The following PCDH15 variants were observed in gnomAD, a reference collection of about 807,000 sequenced individuals.
The protein encoded by PCDH15 is protocadherin-15.
Under a neutral mutation model 178.5 loss-of-function variants are expected in PCDH15, and 129 were observed. The ratio of observed to expected loss-of-function variants is 0.72; its 90% CI spans 0.63 to 0.84. The LOEUF (loss-of-function observed/expected upper bound fraction) is 0.84, where lower values mean the gene tolerates loss of function less well. PCDH15 is among the 40% of genes least tolerant of loss of function. The pLI is 0.00. For synonymous variants in PCDH15, 800 were observed against 732.0 expected (o/e 1.09, Z -1.50); for missense variants, 2,230 against 2,099.9 (o/e 1.06, Z -1.21).
At chr10:54,920,198 C>A (rs539990872) in intron 2 of PCDH15, among the ~76,000 whole-genome samples, 9 of 152,168 alleles carry the variant, frequency 5.9e-5, no homozygotes, top group African/African-American at 2.2e-4. Context: ...CGGCCGGGAG[C>A]GGTGGCTCAC....
chr10:54,787,155 A>G (rs1950954591), intron 1 of PCDH15, among the ~76,000 whole-genome samples: 1 of 151,864 alleles, frequency 6.6e-6, no homozygotes, highest in South Asian at 2.1e-4. Context: ...TTCATTAATT[A>G]TCTATAAAAA....
intron 25 of PCDH15, among the ~76,000 whole-genome samples, chr10:53,918,718 AC>A (rs2083742049): frequency 0.042 from 54 of 1,278 alleles, no homozygotes; most frequent in African/African-American, 0.088. Flanking sequence ...ACACAAACAC[AC>A]ACACACACAC....
chr10:55,350,865 G>T (rs1844909953), intron 2 of PCDH15, among the ~76,000 whole-genome samples: 1 of 151,856 alleles, frequency 6.6e-6, no homozygotes, highest in Admixed American at 6.6e-5. Context: ...TCTACCAATT[G>T]GCTCTTCTCA....
chr10:55,513,598 G>A (rs1482463957), intron 2 of PCDH15, among the ~76,000 whole-genome samples: 1 of 152,014 alleles, frequency 6.6e-6, no homozygotes, highest in Non-Finnish European at 1.5e-5. Context: ...TTTATATGTT[G>A]TGAAATTTAA....
At chr10:54,091,192 G>A (rs1442686468) in intron 15 of PCDH15, among the ~76,000 whole-genome samples, 3 of 152,148 alleles carry the variant, frequency 2.0e-5, no homozygotes, top group African/African-American at 7.2e-5. Flanking sequence ...AAGAAATTTG[G>A]ATGCTATCAG....
intron 2 of PCDH15, among the ~76,000 whole-genome samples, chr10:55,027,688 T>C (rs918535598): frequency 6.6e-6 from 1 of 151,880 alleles, no homozygotes; most frequent in Non-Finnish European, 1.5e-5. Context: ...AATATAGCGA[T>C]AGGACTCTAA....
chr10:53,938,813 A>T lies in PCDH15; in HGVS notation c.3373+2T>A. On this transcript the variant is annotated splice_donor_variant, in intron 25 of 37. Coordinates refer to ENST00000644397, the MANE Select transcript of PCDH15 (RefSeq NM_001384140.1). LOFTEE classifies it high-confidence loss of function. ...GTAAAAGCTTTAAGTAGTATAACTT[A>T]CTTTTTGAAGGAACTCGGAGATTGG... is the stretch of plus-strand genomic sequence containing the variant. 6.2e-7 allele frequency: 1 copy of T among 1,612,736 alleles called. No homozygotes were observed. The highest frequency in any genetic ancestry group is 8.5e-7 in the Non-Finnish European group (1 of 1,179,498).
At chr10:55,223,829 C>T (rs1439637969) in intron 1 of PCDH15, among the ~76,000 whole-genome samples, 2 of 152,156 alleles carry the variant, frequency 1.3e-5, no homozygotes, top group Non-Finnish European at 2.9e-5. Context: ...TGATTTCTAA[C>T]AATTGTAAAT....
intron 3 of PCDH15, among the ~76,000 whole-genome samples, chr10:54,460,917 A>G (rs1271529079): frequency 6.6e-6 from 1 of 152,172 alleles, no homozygotes; most frequent in Non-Finnish European, 1.5e-5. Flanking sequence ...AGAAATCATG[A>G]CATTAAAACT....
intron 14 of PCDH15, among the ~76,000 whole-genome samples, chr10:54,145,104 C>G (rs898358509): frequency 2.6e-5 from 4 of 151,892 alleles, no homozygotes; most frequent in African/African-American, 9.7e-5. Context: ...ATCTATAACA[C>G]TTATTGTAAG....
intron 3 of PCDH15, among the ~76,000 whole-genome samples, chr10:54,387,483 C>A (rs1565149026): frequency 1.3e-5 from 2 of 152,156 alleles, no homozygotes; most frequent in Non-Finnish European, 2.9e-5. Flanking sequence ...CATGAAAAAA[C>A]AAATATGGCA....
chr10:55,070,245 G>C (rs1030145636), intron 2 of PCDH15, among the ~76,000 whole-genome samples: 4 of 152,106 alleles, frequency 2.6e-5, no homozygotes, highest in Non-Finnish European at 5.9e-5. Context: ...TCACTCTGAT[G>C]GTAGTTTCTT....
At chr10:53,996,703 A>T (rs536979552) in intron 20 of PCDH15, among the ~76,000 whole-genome samples, 11 of 152,176 alleles carry the variant, frequency 7.2e-5, no homozygotes, top group Non-Finnish European at 1.6e-4. Context: ...TTTTAGAGAT[A>T]ATTGTATATA....
chr10:55,451,612 T>C (rs963079665), intron 2 of PCDH15, among the ~76,000 whole-genome samples: 12 of 152,270 alleles, frequency 7.9e-5, no homozygotes, highest in African/African-American at 2.9e-4. Context: ...AAGTAGTAAA[T>C]ATTGTAAAAA....
intron 3 of PCDH15, among the ~76,000 whole-genome samples, chr10:54,888,580 T>C (rs1954403341): frequency 1.3e-5 from 2 of 151,974 alleles, no homozygotes; most frequent in South Asian, 4.1e-4. Flanking sequence ...CAGGTTCATA[T>C]GGTGGGCATA....
At chr10:55,626,779 C>T in intron 2 of PCDH15, among the ~76,000 whole-genome samples, 1 of 152,128 alleles carries the variant, frequency 6.6e-6, no homozygotes, top group Admixed American at 6.5e-5. Context: ...ACCCAAGATA[C>T]TAGTTCAGTC....
intron 2 of PCDH15, among the ~76,000 whole-genome samples, chr10:55,601,466 G>A (rs969956732): frequency 7.9e-5 from 12 of 152,102 alleles, no homozygotes; most frequent in African/African-American, 2.9e-4. Context: ...ACAGGAGCCA[G>A]GAGAAGTAGA....
chr10:54,621,833 A>G (rs2134442723), intron 2 of PCDH15, among the ~76,000 whole-genome samples: 1 of 152,206 alleles, frequency 6.6e-6, no homozygotes, highest in South Asian at 2.1e-4. Context: ...AATATTCTTC[A>G]GGAAAGAAAA....
intron 1 of PCDH15, among the ~76,000 whole-genome samples, chr10:54,742,674 G>A (rs961480754): frequency 5.3e-5 from 8 of 151,874 alleles, no homozygotes; most frequent in Admixed American, 3.9e-4. Flanking sequence ...GGGTGAAGTC[G>A]GGACATGTTC....
Sources: gnomAD v4.1 joint callset for allele counts (sites outside exome capture counted in the v4.1 genomes callset) on GRCh38, gnomAD v4.1.1 for gene constraint, MANE v1.5 for transcripts, NCBI Gene and HGNC (gene_info 2026-07-23, HGNC 2026-07-21) for gene names.